Variants in SLC24A2 observed in about 807,000 individuals in gnomAD.
The protein encoded by SLC24A2 is sodium/potassium/calcium exchanger 2.
Under a neutral mutation model 62.0 loss-of-function variants are expected in SLC24A2, and 36 were observed. The observed-to-expected ratio is 0.58, with a 90% CI of 0.44 to 0.77. The LOEUF is 0.77. Ranked by LOEUF, SLC24A2 falls within the 30% of genes least tolerant of loss-of-function variation. The probability of loss-of-function intolerance (pLI) is 0.00; values close to 1 mark genes in which losing one functional copy is unlikely to be tolerated. For synonymous variants in SLC24A2, 358 were observed against 294.0 expected (o/e 1.22, Z -2.23); for missense variants, 846 against 817.9 (o/e 1.03, Z -0.42).
At chr9:19,520,159 T>C (rs1833122648) in intron 10 of SLC24A2, among the ~76,000 whole-genome samples, 1 of 152,168 alleles carries the variant, frequency 6.6e-6, no homozygotes, top group Non-Finnish European at 1.5e-5. Context: ...GGTTCCAAAC[T>C]CAAGTGTTAG....
chr9:20,217,645 GTTGGT>G, the SLC24A2 span, among the ~76,000 whole-genome samples: 1 of 152,154 alleles, frequency 6.6e-6, no homozygotes, highest in Admixed American at 6.5e-5. Flanking sequence ...AAACAAAGAG[GTTGGT>G]TAAAGCCTGA....
At chr9:19,794,645 T>A in the SLC24A2 span, among the ~76,000 whole-genome samples, 1 of 150,078 alleles carries the variant, frequency 6.7e-6, no homozygotes, top group Non-Finnish European at 1.5e-5. Context: ...AGAAGTGGGG[T>A]CTGTCCATTT....
At chr9:19,718,022 G>T (rs1820910219) in intron 2 of SLC24A2, among the ~76,000 whole-genome samples, 1 of 150,152 alleles carries the variant, frequency 6.7e-6, no homozygotes, top group South Asian at 2.1e-4. Flanking sequence ...TGTCGCCCAG[G>T]CTGGAGTGCA....
chr9:20,227,487 C>A, the SLC24A2 span, among the ~76,000 whole-genome samples: 1 of 142,098 alleles, frequency 7.0e-6, no homozygotes, highest in African/African-American at 2.6e-5. Context: ...CACACAATTT[C>A]TAAAGAAAAG....
In SLC24A2 at chr9:19,593,315, C is replaced by T. The variant is rs371552656; in HGVS notation, c.1129+3914G>A. ...CCCCCAATCCAGCACCTGGTACATA[C>T]TGGCTATTGATGAACAAATTCATGA... On this transcript the variant is annotated intron_variant, in intron 5 of 10. Coordinates refer to ENST00000341998, the MANE Select transcript of SLC24A2 (RefSeq NM_020344.4). Among the ~76,000 whole-genome samples the T allele has an allele frequency of 1.1e-4, 16 of 152,250 alleles. No individual in the cohort carries two copies. The East Asian group carries it at 2.3e-3, about 22-fold the overall frequency.
chr9:20,244,291 T>A, the SLC24A2 span, among the ~76,000 whole-genome samples: 1 of 151,864 alleles, frequency 6.6e-6, no homozygotes, highest in East Asian at 1.9e-4. Flanking sequence ...AAGGAGACAA[T>A]TAAGGAAAGC....
chr9:20,054,341 G>A, the SLC24A2 span, among the ~76,000 whole-genome samples: 6 of 151,920 alleles, frequency 3.9e-5, no homozygotes, highest in African/African-American at 1.2e-4. Context: ...GCAGGCACCC[G>A]CCACCACACC....
the SLC24A2 span, among the ~76,000 whole-genome samples, chr9:20,108,962 A>G: frequency 4.6e-5 from 7 of 152,220 alleles, no homozygotes; most frequent in Admixed American, 1.3e-4. Flanking sequence ...CAGTAGTCAC[A>G]TAAGATGATA....
the SLC24A2 span, among the ~76,000 whole-genome samples, chr9:20,193,551 C>T: frequency 1.3e-5 from 2 of 151,816 alleles, no homozygotes; most frequent in Non-Finnish European, 2.9e-5. Context: ...CTGACATCCC[C>T]TAATGAAATG....
chr9:19,757,319 T>C (rs1438575524), intron 2 of SLC24A2, among the ~76,000 whole-genome samples: 8 of 152,086 alleles, frequency 5.3e-5, no homozygotes, highest in South Asian at 2.1e-4. Context: ...GGCAGCAAAA[T>C]ACATGGCTGT....
chr9:19,816,104 T>G, the SLC24A2 span, among the ~76,000 whole-genome samples: 2 of 151,962 alleles, frequency 1.3e-5, no homozygotes, highest in Non-Finnish European at 2.9e-5. Flanking sequence ...TTCACGAGTG[T>G]GCTTTCTTAC....
At chr9:20,053,069 A>G in the SLC24A2 span, among the ~76,000 whole-genome samples, 1 of 152,186 alleles carries the variant, frequency 6.6e-6, no homozygotes, top group Non-Finnish European at 1.5e-5. Context: ...AGATATGACA[A>G]ATCAGGGAAG....
the SLC24A2 span, among the ~76,000 whole-genome samples, chr9:19,835,073 A>G: frequency 5.2e-4 from 79 of 152,304 alleles, no homozygotes; most frequent in Admixed American, 9.8e-4. Context: ...CTCCTGAAGG[A>G]AGCACTAAAC....
At chr9:20,116,143 T>A in the SLC24A2 span, among the ~76,000 whole-genome samples, 1 of 152,152 alleles carries the variant, frequency 6.6e-6, no homozygotes, top group African/African-American at 2.4e-5. Flanking sequence ...AGAAACTTAA[T>A]AATAGACTCT....
intron 8 of SLC24A2, among the ~76,000 whole-genome samples, chr9:19,536,131 G>A (rs962618001): frequency 6.8e-6 from 1 of 147,250 alleles, no homozygotes; most frequent in Non-Finnish European, 1.5e-5. Flanking sequence ...CTCATGATTT[G>A]GCTCTCTGTT....
At chr9:20,114,712 G>A in the SLC24A2 span, among the ~76,000 whole-genome samples, 1 of 152,050 alleles carries the variant, frequency 6.6e-6, no homozygotes, top group Non-Finnish European at 1.5e-5. Flanking sequence ...ACCAACCAGT[G>A]GGGTCACGCC....
At chr9:19,997,344 C>T in the SLC24A2 span, among the ~76,000 whole-genome samples, 1 of 152,136 alleles carries the variant, frequency 6.6e-6, no homozygotes, top group Non-Finnish European at 1.5e-5. Flanking sequence ...AGCTTTATGT[C>T]ACCTCAAAAA....
chr9:19,545,441 A>T (rs1296099957), intron 8 of SLC24A2, among the ~76,000 whole-genome samples: 1 of 151,540 alleles, frequency 6.6e-6, no homozygotes, highest in Non-Finnish European at 1.5e-5. Flanking sequence ...GAGTCATGAA[A>T]CTCATTCTCC....
At chr9:20,093,587 T>G in the SLC24A2 span, among the ~76,000 whole-genome samples, 1 of 152,244 alleles carries the variant, frequency 6.6e-6, no homozygotes, top group South Asian at 2.1e-4. Flanking sequence ...TGCTCCATTA[T>G]ATTGTCACAT....
Sources: gnomAD v4.1 joint callset for allele counts (sites outside exome capture counted in the v4.1 genomes callset) on GRCh38, gnomAD v4.1.1 for gene constraint, MANE v1.5 for transcripts, NCBI Gene and HGNC (gene_info 2026-07-23, HGNC 2026-07-21) for gene names.